The following MICAL3 variants were observed in gnomAD, a reference collection of about 807,000 sequenced individuals.
The protein encoded by MICAL3 is microtubule associated monooxygenase, calponin and LIM domain containing 3, also known as [F-actin]-monooxygenase MICAL3.
Under a neutral mutation model 207.4 loss-of-function variants are expected in MICAL3, and 62 were observed. That is an observed-to-expected ratio of 0.30 (90% CI 0.24 to 0.37). The LOEUF is 0.37. MICAL3 is among the 10% of genes least tolerant of loss of function. The pLI is 1.00. For synonymous variants in MICAL3, 1,077 were observed against 1,069.3 expected (o/e 1.01, Z -0.14); for missense variants, 2,368 against 2,635.6 (o/e 0.90, Z 2.22).
intron 1 of MICAL3, among the ~76,000 whole-genome samples, chr22:18,007,792 G>A (rs551102148): frequency 6.7e-4 from 102 of 151,250 alleles, no homozygotes; most frequent in Non-Finnish European, 1.1e-3. Flanking sequence ...GCATGGTGGC[G>A]GGTGCCTGTA....
In MICAL3 at chr22:18,022,554, G is replaced by A. The variant is rs143232530; in HGVS notation, c.-75+1727C>T. On this transcript the variant is annotated intron_variant, in intron 1 of 31. Coordinates refer to ENST00000441493, the MANE Select transcript of MICAL3 (RefSeq NM_015241.3). The stretch of plus-strand genomic sequence containing the variant: ...AGCTATTCTCATGCCTCAGCCTCCC[G>A]AGTAGCTGGGACTACAGGCATGCAC... Among the ~76,000 whole-genome samples the A allele has an allele frequency of 5.3e-3, 797 of 151,722 alleles. 8 individuals are homozygous for A. Among genetic ancestry groups the A allele is most frequent in the African/African-American group, 0.018 (760 of 41,356 alleles).
chr22:17,844,338 C>T (rs568174155), intron 19 of MICAL3, among the ~76,000 whole-genome samples: 78 of 152,290 alleles, frequency 5.1e-4, no homozygotes, highest in African/African-American at 1.8e-3. Flanking sequence ...TCAGGCAAAA[C>T]CTGGCTAAAG....
chr22:17,877,475 T>TAGGGAGGTTAGGGAGGTG (rs1569110609), intron 16 of MICAL3, among the ~76,000 whole-genome samples: 2 of 84,438 alleles, frequency 2.4e-5, no homozygotes, highest in East Asian at 7.1e-4. Flanking sequence ...TTATGGAGGT[T>TAGGGAGGTTAGGGAGGTG]AGGGAGGTTA....
intron 10 of MICAL3, 99 bp downstream of exon 10, chr22:17,895,185 G>GT: frequency 1.6e-6 from 2 of 1,226,208 alleles, no homozygotes; most frequent in Non-Finnish European, 2.3e-6. Context: ...AAGTATCCTT[G>GT]TATGTGTGGT....
At chr22:17,976,651 G>A (rs1215686470) in intron 1 of MICAL3, among the ~76,000 whole-genome samples, 5 of 138,730 alleles carry the variant, frequency 3.6e-5, no homozygotes, top group Middle Eastern at 4.1e-3. Flanking sequence ...GTACACTGGC[G>A]CGATCTCGGC....
At chr22:17,940,678 A>C (rs1035217649) in intron 1 of MICAL3, among the ~76,000 whole-genome samples, 1 of 152,152 alleles carries the variant, frequency 6.6e-6, no homozygotes, top group Non-Finnish European at 1.5e-5. Flanking sequence ...AACAAAAGCA[A>C]TGGCAGCCAG....
chr22:17,821,463 A>T lies in MICAL3; in HGVS notation c.3495T>A (p.Ala1165=). 1 of 1,545,648 alleles carries T rather than the reference A, an allele frequency of 6.5e-7. No homozygotes were observed. Among genetic ancestry groups the T allele is most frequent in the Non-Finnish European group, 8.7e-7 (1 of 1,145,884 alleles). ...GGCTGTGGACTGGAATGAACAGAAG[A>T]GCTGATTCCTGGGGAGACCGGATGG... ...TSPIRSPQES[A]LLFIPVHSPS... Residue 1165 remains alanine, a synonymous_variant, in exon 25 of 32, where the codon GCT becomes GCA. Coordinates refer to ENST00000441493, the MANE Select transcript of MICAL3 (RefSeq NM_015241.3).
At chr22:17,950,772 T>C (rs1347663455) in intron 1 of MICAL3, among the ~76,000 whole-genome samples, 1 of 152,184 alleles carries the variant, frequency 6.6e-6, no homozygotes, top group Non-Finnish European at 1.5e-5. Flanking sequence ...ACGACTGCTG[T>C]TGCTGATCTG....
At position 17,967,771 on chromosome 22, in the gene MICAL3, G is replaced by C. The variant is rs577238085; in HGVS notation, c.-75+56510C>G. Among the ~76,000 whole-genome samples, 8 of 152,272 alleles carry C rather than the reference G, an allele frequency of 5.3e-5. No individual in the cohort carries two copies. In the South Asian group the frequency reaches 1.4e-3, roughly 28 times the overall value. ...GTAAAAATGACTAAAAATTGGCTGG[G>C]CGTGGTGGCTCACGCCTGTAATCCC... On this transcript the variant is annotated intron_variant, in intron 1 of 31. Coordinates refer to ENST00000441493, the MANE Select transcript of MICAL3 (RefSeq NM_015241.3).
chr22:17,971,952 A>G (rs1369909649), intron 1 of MICAL3, among the ~76,000 whole-genome samples: 2 of 152,238 alleles, frequency 1.3e-5, no homozygotes, highest in Non-Finnish European at 2.9e-5. Flanking sequence ...TCAGTGAGAG[A>G]GGAAGAGGAG....
rs1455287404 is a variant in MICAL3 at position 17,945,093 on chromosome 22, A to G, written c.-74-38207T>C. Among the ~76,000 whole-genome samples, 6 of 149,888 alleles carry G rather than the reference A, an allele frequency of 4.0e-5. No individual in the cohort carries two copies. In the East Asian group the frequency reaches 9.8e-4, roughly 25 times the overall value. On this transcript the variant is annotated intron_variant, in intron 1 of 31. Coordinates refer to ENST00000441493, the MANE Select transcript of MICAL3 (RefSeq NM_015241.3). ...TATAGGGTCTAATACCTCAGGCTGG[A>G]CTCAGTCTATACCTATTAGGGCTGA...
rs112683953 is a variant in MICAL3 at position 17,788,868 on chromosome 22, C to G, written c.*1864G>C. On this transcript the variant is annotated 3_prime_UTR_variant, in exon 32 of 32. Coordinates refer to ENST00000441493, the MANE Select transcript of MICAL3 (RefSeq NM_015241.3). ...GCCCAAGGTCAGCACAGCCACTCAG[C>G]CTGCTCCACTGCGGGACGCCTTGGA... The G allele has an allele frequency of 7.4e-3, 1,125 of 152,514 alleles. 2 individuals carry two copies. Among genetic ancestry groups the G allele is most frequent in the Non-Finnish European group, 0.011 (771 of 68,122 alleles). 9.4% of individuals were successfully genotyped at this position (152,514 alleles called of 1,614,324 possible). A position where few individuals can be genotyped will look rare whatever the true frequency, so the allele number is the denominator to read the frequency against.
intron 1 of MICAL3, among the ~76,000 whole-genome samples, chr22:17,996,074 G>A (rs1394176192): frequency 1.4e-5 from 2 of 145,670 alleles, no homozygotes; most frequent in Non-Finnish European, 3.0e-5. Context: ...AGGTTGCAGT[G>A]AACCATGATC....
intron 17 of MICAL3, among the ~76,000 whole-genome samples, chr22:17,869,060 C>T (rs975402375): frequency 1.3e-5 from 2 of 152,138 alleles, no homozygotes; most frequent in Non-Finnish European, 2.9e-5. Context: ...GGGGTGTGCT[C>T]CAGGAGAGGA....
intron 16 of MICAL3, among the ~76,000 whole-genome samples, chr22:17,877,264 AAGTTAT>A (rs1447575583): frequency 8.4e-5 from 7 of 83,450 alleles, no homozygotes; most frequent in Non-Finnish European, 1.4e-4. Flanking sequence ...GAGGTTAGGG[AAGTTAT>A]GGAGGTTAGG....
chr22:17,906,892 A>C lies in MICAL3; in HGVS notation c.-74-6T>G, dbSNP rs755322950. 14 of 1,345,534 alleles carry C rather than the reference A, an allele frequency of 1.0e-5. No homozygotes were observed. Among genetic ancestry groups the C allele is most frequent in the Non-Finnish European group, 1.4e-5 (14 of 982,116 alleles). The allele number at this position is 1,345,534 out of a possible 1,614,324, so 83.3% of individuals were successfully genotyped here. A position where few individuals can be genotyped will look rare whatever the true frequency, so the allele number is the denominator to read the frequency against. Reference sequence around the variant, plus strand: ...CCTGACACTGTCACGTTAATCTGACAAAAAGAAAGAAAAACGTGGTTAGCA... The same window carrying C: ...CCTGACACTGTCACGTTAATCTGACCAAAAGAAAGAAAAACGTGGTTAGCA... On this transcript the variant is annotated splice_region_variant and splice_polypyrimidine_tract_variant and intron_variant, in intron 1 of 31. Coordinates refer to ENST00000441493, the MANE Select transcript of MICAL3 (RefSeq NM_015241.3).
chr22:17,898,107 TA>T (rs11381999), intron 7 of MICAL3, among the ~76,000 whole-genome samples: 16,773 of 148,156 alleles, frequency 0.11, 1,102 homozygotes, highest in Middle Eastern at 0.18. Flanking sequence ...CCTGCCCTCT[TA>T]AAAAAAAAAA....
intron 13 of MICAL3, among the ~76,000 whole-genome samples, chr22:17,888,706 G>C (rs1468163546): frequency 1.3e-5 from 2 of 152,168 alleles, no homozygotes; most frequent in African/African-American, 4.8e-5. Context: ...CAGAAGCAGA[G>C]GCCACAAGCA....
intron 29 of MICAL3, among the ~76,000 whole-genome samples, chr22:17,795,827 G>T (rs1482197536): frequency 7.1e-6 from 1 of 139,916 alleles, no homozygotes; most frequent in Non-Finnish European, 1.5e-5. Flanking sequence ...TTCAAAAGAA[G>T]AAGTGGAAGG....
Sources: allele counts gnomAD v4.1 joint callset (sites outside exome capture counted in the v4.1 genomes callset), GRCh38; gene constraint gnomAD v4.1.1; transcripts MANE v1.5; gene names NCBI Gene and HGNC (gene_info 2026-07-23, HGNC 2026-07-21).